The following ADGRL3 variants were observed in gnomAD, a reference collection of about 807,000 sequenced individuals.
ADGRL3 encodes adhesion G protein-coupled receptor L3, also known as calcium-independent alpha-latrotoxin receptor 3.
In ADGRL3, 62 loss-of-function variants were observed where a neutral mutation model predicts 153.5. The observed-to-expected ratio is 0.40, with a 90% CI of 0.33 to 0.50. The LOEUF is 0.50. Ranked by LOEUF, ADGRL3 falls within the 20% of genes least tolerant of loss-of-function variation. The probability of loss-of-function intolerance (pLI) is 0.47; values close to 1 mark genes in which losing one functional copy is unlikely to be tolerated. For missense variants in ADGRL3, 1,641 were observed against 1,859.4 expected (o/e 0.88, Z 2.16); for synonymous variants, 710 against 672.5 (o/e 1.06, Z -0.86).
chr4:61,244,044 G>T (rs1161271560), intron 1 of ADGRL3, among the ~76,000 whole-genome samples: 1 of 152,008 alleles, frequency 6.6e-6, no homozygotes, highest in Admixed American at 6.6e-5. Flanking sequence ...AGGATCATAT[G>T]TTGCTATCGG....
intron 15 of ADGRL3, among the ~76,000 whole-genome samples, chr4:61,938,989 T>C (rs1440345519): frequency 6.6e-6 from 1 of 150,982 alleles, no homozygotes; most frequent in Non-Finnish European, 1.5e-5. Flanking sequence ...TTAGTAACCA[T>C]AGTAGTTGGG....
rs1473171702 is a variant in ADGRL3 at position 61,593,416 on chromosome 4, T to C, written c.473+5976T>C. Among the ~76,000 whole-genome samples, 4 of 152,266 alleles carry C rather than the reference T, an allele frequency of 2.6e-5. No individual in the cohort carries two copies. The East Asian group carries it at 7.7e-4, about 29-fold the overall frequency. On this transcript the variant is annotated intron_variant, in intron 5 of 26. Transcript: ENST00000683033. ...TTTTTTTCCTTCAGGTGATTTCTTA[T>C]TGCTCATTAACATCTTTTTTATTTC...
At position 61,517,490 on chromosome 4, in the gene ADGRL3, T is replaced by G; in HGVS notation, c.231T>G (p.Gly77=). Residue 77 remains glycine, a synonymous_variant, in exon 4 of 27, where the codon GGT becomes GGG. Transcript: ENST00000683033. ...RGATRGVRGP[G]AQGAQIAAQA... is the part of the protein sequence containing the mutation. ...CTACCAGAGGAGTTCGCGGTCCAGGTGCCCAAGGAGCACAGATTGCAGCGC... is the reference window on the plus strand; with the variant it reads ...CTACCAGAGGAGTTCGCGGTCCAGGGGCCCAAGGAGCACAGATTGCAGCGC... 1.4e-6 allele frequency: 1 copy of G among 720,928 alleles called. No individual in the cohort carries two copies. Among genetic ancestry groups the G allele is most frequent in the South Asian group, 1.5e-5 (1 of 67,852 alleles). 44.7% of individuals were successfully genotyped at this position (720,928 alleles called of 1,614,324 possible).
At chr4:61,863,077 C>A (rs79169577) in intron 9 of ADGRL3, among the ~76,000 whole-genome samples, 1 of 152,032 alleles carries the variant, frequency 6.6e-6, no homozygotes, top group Non-Finnish European at 1.5e-5. Flanking sequence ...CTGTGTGACT[C>A]CTCTCTGAGA....
Position 62,076,545 on chromosome 4 carries a change from A to G in ADGRL3, c.*5637A>G, listed in dbSNP as rs998843265. ...GTTACAGAGAAAAGTTTTCCAGGAA[A>G]GAATAATGAAGTCATTTGTAGTGAT... On this transcript the variant is annotated 3_prime_UTR_variant, in exon 27 of 27. Coordinates refer to ENST00000683033, the MANE Select transcript of ADGRL3 (RefSeq NM_001387552.1). 1.3e-5 allele frequency: 2 copies of G among 152,072 alleles called. No individual in the cohort carries two copies. Among genetic ancestry groups the G allele is most frequent in the Non-Finnish European group, 2.9e-5 (2 of 67,934 alleles). The allele number at this position is 152,072 out of a possible 1,614,324, so 9.4% of individuals were successfully genotyped here. A position where few individuals can be genotyped will look rare whatever the true frequency, so the allele number is the denominator to read the frequency against.
At chr4:61,744,197 C>T (rs2096622147) in intron 8 of ADGRL3, among the ~76,000 whole-genome samples, 2 of 152,172 alleles carry the variant, frequency 1.3e-5, no homozygotes. Context: ...CTTAGGTAAA[C>T]AAAGCAGCAG....
At chr4:61,725,624 A>G (rs2096319444) in intron 6 of ADGRL3, among the ~76,000 whole-genome samples, 1 of 152,000 alleles carries the variant, frequency 6.6e-6, no homozygotes, top group Admixed American at 6.6e-5. Context: ...AAAACAAAAA[A>G]AAACAAAAGT....
intron 8 of ADGRL3, among the ~76,000 whole-genome samples, chr4:61,753,407 AT>A (rs2096781492): frequency 6.6e-6 from 1 of 152,306 alleles, no homozygotes; most frequent in Admixed American, 6.5e-5. Flanking sequence ...TGTAGTCTGA[AT>A]GCCTCTGGTG....
At chr4:61,387,528 C>G (rs2151965951) in intron 2 of ADGRL3, among the ~76,000 whole-genome samples, 1 of 152,122 alleles carries the variant, frequency 6.6e-6, no homozygotes, top group South Asian at 2.1e-4. Context: ...GTTTAGAGAC[C>G]CACCCCCAGG....
intron 3 of ADGRL3, among the ~76,000 whole-genome samples, chr4:61,505,500 C>A (rs1036905810): frequency 2.0e-5 from 3 of 151,946 alleles, no homozygotes; most frequent in Non-Finnish European, 2.9e-5. Context: ...TCATTGAGTT[C>A]TATTAGTTTT....
At position 61,910,786 on chromosome 4, in the gene ADGRL3, C is replaced by A. The variant is rs1198989461; in HGVS notation, c.2073+1041C>A. Among the ~76,000 whole-genome samples, 3 of 151,596 alleles carry A rather than the reference C, an allele frequency of 2.0e-5. No homozygotes were observed. In the East Asian group the frequency reaches 5.8e-4, roughly 29 times the overall value. ...AAGTAGTCTTTTAATATGGTTAGTT[C>A]TTCTGTGTCTTACTAGGGTAAGAAT... is the stretch of plus-strand genomic sequence containing the variant. On this transcript the variant is annotated intron_variant, in intron 12 of 26. Coordinates refer to ENST00000683033, the MANE Select transcript of ADGRL3 (RefSeq NM_001387552.1).
chr4:61,618,006 AAC>A (rs1165577611), intron 5 of ADGRL3, among the ~76,000 whole-genome samples: 1 of 152,206 alleles, frequency 6.6e-6, no homozygotes, highest in African/African-American at 2.4e-5. Context: ...CAATGACAGT[AAC>A]ACATTTGAGA....
chr4:61,386,384 A>T (rs997323485), intron 2 of ADGRL3, among the ~76,000 whole-genome samples: 2 of 152,176 alleles, frequency 1.3e-5, no homozygotes, highest in African/African-American at 4.8e-5. Context: ...ATTCTAAGTG[A>T]TTAAACTTGT....
chr4:61,812,079 T>A (rs1278609931), intron 8 of ADGRL3, among the ~76,000 whole-genome samples: 1 of 152,200 alleles, frequency 6.6e-6, no homozygotes, highest in Non-Finnish European at 1.5e-5. Context: ...AAAATAGAAA[T>A]GTCTTTGCAA....
At chr4:62,023,603 A>G (rs1333710487) in intron 21 of ADGRL3, among the ~76,000 whole-genome samples, 1 of 152,038 alleles carries the variant, frequency 6.6e-6, no homozygotes, top group East Asian at 1.9e-4. Context: ...AGCTCCCATA[A>G]CCCTTAGCAA....
At chr4:61,692,098 C>T (rs757813824) in intron 6 of ADGRL3, among the ~76,000 whole-genome samples, 11 of 152,100 alleles carry the variant, frequency 7.2e-5, no homozygotes, top group African/African-American at 2.2e-4. Flanking sequence ...AGAGAAATTG[C>T]TAGACAAAAT....
In ADGRL3 at chr4:61,738,772, G is replaced by A. The variant is rs527863831; in HGVS notation, c.1399+5218G>A. On this transcript the variant is annotated intron_variant, in intron 8 of 26. Coordinates refer to ENST00000683033, the MANE Select transcript of ADGRL3 (RefSeq NM_001387552.1). Reference sequence around the variant, plus strand: ...TTATTTTTCAGAAGAAATGTCTTGAGAAATGGTACAATCTGTGAAACACTG... The same window carrying A: ...TTATTTTTCAGAAGAAATGTCTTGAAAAATGGTACAATCTGTGAAACACTG... Among the ~76,000 whole-genome samples, 3 of 152,172 alleles carry A rather than the reference G, an allele frequency of 2.0e-5. No homozygotes were observed. In the East Asian group the frequency reaches 5.8e-4, roughly 29 times the overall value.
At position 61,498,897 on chromosome 4, in the gene ADGRL3, T is replaced by C. The variant is rs2098351881; in HGVS notation, c.55+1549T>C. Among the ~76,000 whole-genome samples the C allele has an allele frequency of 2.0e-5, 3 of 152,154 alleles. No individual in the cohort carries two copies. The South Asian group carries it at 6.2e-4, about 32-fold the overall frequency. On this transcript the variant is annotated intron_variant, in intron 3 of 26. Coordinates refer to ENST00000683033, the MANE Select transcript of ADGRL3 (RefSeq NM_001387552.1). ...AATGTTTTTGGCTAATTATCATTGA[T>C]TTTTTTCACTAAGATGAAAATGTTG... is the stretch of plus-strand genomic sequence containing the variant.
At chr4:61,295,923 T>C (rs966651574) in intron 1 of ADGRL3, among the ~76,000 whole-genome samples, 4 of 152,078 alleles carry the variant, frequency 2.6e-5, no homozygotes, top group African/African-American at 9.7e-5. Context: ...CAGTGAGCTG[T>C]GGATCGGCAA....
Sources: gnomAD v4.1 joint callset for allele counts (sites outside exome capture counted in the v4.1 genomes callset) on GRCh38, gnomAD v4.1.1 for gene constraint, MANE v1.5 for transcripts, NCBI Gene and HGNC (gene_info 2026-07-23, HGNC 2026-07-21) for gene names.